Variants in OPCML observed in about 807,000 individuals in gnomAD.
OPCML encodes the protein opioid binding protein/cell adhesion molecule like.
Under a neutral mutation model 37.8 loss-of-function variants are expected in OPCML, and 13 were observed. That is an observed-to-expected ratio of 0.34 (90% CI 0.22 to 0.55). The LOEUF (loss-of-function observed/expected upper bound fraction) is 0.55. Ranked by LOEUF, OPCML falls within the 20% of genes least tolerant of loss-of-function variation. OPCML has a pLI of 0.91. For synonymous variants in OPCML, 176 were observed against 168.8 expected (o/e 1.04, Z -0.33); for missense variants, 341 against 435.6 (o/e 0.78, Z 1.93).
chr11:133,077,431 T>C (rs1301240055), intron 1 of OPCML, among the ~76,000 whole-genome samples: 1 of 152,164 alleles, frequency 6.6e-6, no homozygotes, highest in Non-Finnish European at 1.5e-5. Flanking sequence ...ATGACGCTTG[T>C]AAAACTGGAT....
Position 133,385,696 on chromosome 11 carries a change from G to A in OPCML, c.61+146568C>T, listed in dbSNP as rs575995031. Among the ~76,000 whole-genome samples the A allele has an allele frequency of 2.4e-4, 37 of 152,144 alleles. No individual in the cohort carries two copies. The South Asian group carries it at 7.5e-3, about 31-fold the overall frequency. On this transcript the variant is annotated intron_variant, in intron 1 of 7. Coordinates refer to ENST00000524381, the MANE Select transcript of OPCML (RefSeq NM_001012393.5). ...TTAGGCCCTGGTAATGAATGTCTGC[G>A]GTGGTCCCCATGGTCCTGGTTTCCC...
chr11:133,447,887 T>C (rs766636395), intron 1 of OPCML, among the ~76,000 whole-genome samples: 55 of 152,204 alleles, frequency 3.6e-4, no homozygotes, highest in Admixed American at 1.1e-3. Context: ...TTAAGTTGAG[T>C]TCTTTGTCTT....
chr11:132,799,622 G>T (rs542751989), intron 2 of OPCML, among the ~76,000 whole-genome samples: 2 of 152,044 alleles, frequency 1.3e-5, no homozygotes, highest in East Asian at 3.9e-4. Flanking sequence ...TTGAAATATT[G>T]TGAGAATTAA....
At chr11:133,369,410 A>G (rs1014664060) in intron 1 of OPCML, among the ~76,000 whole-genome samples, 10 of 152,240 alleles carry the variant, frequency 6.6e-5, no homozygotes, top group Non-Finnish European at 2.9e-5. Flanking sequence ...AGAAATTTCC[A>G]AAAGCAAGAA....
At chr11:132,754,860 C>A (rs796328940) in intron 2 of OPCML, among the ~76,000 whole-genome samples, 10 of 152,198 alleles carry the variant, frequency 6.6e-5, no homozygotes, top group African/African-American at 2.4e-4. Context: ...GGAAATCAAG[C>A]AGTTCAGAAT....
chr11:133,082,783 C>T lies in OPCML; in HGVS notation c.62-139773G>A, dbSNP rs575753996. 2.5e-3 allele frequency among the ~76,000 whole-genome samples: 377 copies of T among 147,852 alleles called. 4 individuals are homozygous for T. The highest frequency in any genetic ancestry group is 4.6e-3 in the Non-Finnish European group (308 of 66,496). ...GACCCCATGCGCGGCCTCCCCGCCC[C>T]GGCGCCTGGGCCTCCTCGCGGCCCG... On this transcript the variant is annotated intron_variant, in intron 1 of 7. Coordinates refer to ENST00000524381, the MANE Select transcript of OPCML (RefSeq NM_001012393.5).
intron 1 of OPCML, among the ~76,000 whole-genome samples, chr11:133,411,425 G>A (rs920914002): frequency 2.0e-5 from 3 of 152,010 alleles, no homozygotes; most frequent in Non-Finnish European, 4.4e-5. Context: ...AACAGAAGAG[G>A]GCCAGGCCCA....
intron 1 of OPCML, among the ~76,000 whole-genome samples, chr11:132,982,202 C>A (rs536124411): frequency 4.3e-4 from 65 of 152,282 alleles, no homozygotes; most frequent in African/African-American, 1.5e-3. Flanking sequence ...CAAGCCCCTG[C>A]TTCTTTCTCC....
At chr11:133,361,667 A>C (rs1944424873) in intron 1 of OPCML, 1 of 156,626 alleles carries the variant, frequency 6.4e-6, no homozygotes, top group African/African-American at 2.5e-5. Flanking sequence ...GCCTGCAGCT[A>C]CTCCGGGGCA....
At chr11:132,986,562 G>C (rs1365448113) in intron 1 of OPCML, among the ~76,000 whole-genome samples, 1 of 152,040 alleles carries the variant, frequency 6.6e-6, no homozygotes, top group Non-Finnish European at 1.5e-5. Flanking sequence ...GACCATAATA[G>C]GTGACCTACT....
rs531332863 is a variant in OPCML, at chr11:133,150,880, G to C, written c.62-207870C>G. Among the ~76,000 whole-genome samples the C allele has an allele frequency of 1.2e-3, 175 of 152,172 alleles. 1 individual carries two copies. Among genetic ancestry groups the C allele is most frequent in the African/African-American group, 3.9e-3 (161 of 41,502 alleles). ...AATGGGTGCATGTGCAGACCCAAAG[G>C]GCAGCTGAGAAGGACTGAGAGCTCC... On this transcript the variant is annotated intron_variant, in intron 1 of 7. Transcript: ENST00000524381.
intron 2 of OPCML, among the ~76,000 whole-genome samples, chr11:132,796,565 C>CTTTT (rs71067396): frequency 2.1e-4 from 19 of 88,558 alleles, no homozygotes; most frequent in East Asian, 3.0e-4. Context: ...TTTCTTCTTT[C>CTTTT]TTTTTTTTTT....
chr11:132,497,871 CTCT>C (rs1329155038), intron 4 of OPCML, among the ~76,000 whole-genome samples: 3 of 152,170 alleles, frequency 2.0e-5, no homozygotes, highest in Non-Finnish European at 4.4e-5. Context: ...GGAGGCTACA[CTCT>C]GTACTTTTTT....
intron 1 of OPCML, among the ~76,000 whole-genome samples, chr11:133,023,428 T>G (rs193049617): frequency 7.2e-5 from 11 of 152,296 alleles, no homozygotes. Context: ...ATGAAAGATA[T>G]TATTATTAAT....
chr11:132,936,028 T>G (rs1046202817), intron 2 of OPCML, among the ~76,000 whole-genome samples: 2 of 152,128 alleles, frequency 1.3e-5, no homozygotes, highest in Non-Finnish European at 2.9e-5. Context: ...TCCTGGTGGG[T>G]GTCATGTTGC....
intron 2 of OPCML, among the ~76,000 whole-genome samples, chr11:132,658,301 C>T (rs958419468): frequency 1.3e-5 from 2 of 152,236 alleles, no homozygotes; most frequent in Admixed American, 6.5e-5. Flanking sequence ...TTGAGTCCAG[C>T]ACCTGCAGGT....
chr11:132,792,708 C>G (rs1938007991), intron 2 of OPCML, among the ~76,000 whole-genome samples: 1 of 152,144 alleles, frequency 6.6e-6, no homozygotes. Flanking sequence ...CCTGCGGCCC[C>G]CAGGAGGGAC....
chr11:132,476,320 C>G (rs2096155380), intron 4 of OPCML, among the ~76,000 whole-genome samples: 1 of 151,956 alleles, frequency 6.6e-6, no homozygotes, highest in African/African-American at 2.4e-5. Flanking sequence ...TACCATTTGA[C>G]CCAGCCATCC....
At chr11:132,447,300 ACT>A (rs1472822356) in intron 4 of OPCML, among the ~76,000 whole-genome samples, 1 of 151,914 alleles carries the variant, frequency 6.6e-6, no homozygotes, top group Non-Finnish European at 1.5e-5. Context: ...TTCCCAATGT[ACT>A]TTGTTTTCTT....
Sources: allele counts gnomAD v4.1 joint callset (sites outside exome capture counted in the v4.1 genomes callset), GRCh38; gene constraint gnomAD v4.1.1; transcripts MANE v1.5; gene names NCBI Gene and HGNC (gene_info 2026-07-23, HGNC 2026-07-21).